The following SLC5A11 variants were observed in gnomAD, a reference collection of about 807,000 sequenced individuals.
SLC5A11 encodes the protein sodium/myo-inositol cotransporter 2.
In SLC5A11, 48 loss-of-function variants were observed where a neutral mutation model predicts 69.8. The observed-to-expected ratio is 0.69, with a 90% confidence interval of 0.55 to 0.87. The LOEUF (loss-of-function observed/expected upper bound fraction) is 0.87. Ranked by LOEUF, SLC5A11 falls within the 40% of genes least tolerant of loss-of-function variation. The pLI is 0.00. For missense variants in SLC5A11, 784 were observed against 866.1 expected (o/e 0.91, Z 1.19); for synonymous variants, 319 against 342.4 (o/e 0.93, Z 0.75).
intron 8 of SLC5A11, 37 bp downstream of exon 9, chr16:24,884,168 G>A: frequency 6.3e-7 from 1 of 1,589,316 alleles, no homozygotes; most frequent in Non-Finnish European, 8.6e-7. Context: ...GCGGACAACA[G>A]CACCTCTCTC....
chr16:24,889,083 C>T (rs1309864452), intron 8 of SLC5A11, among the ~76,000 whole-genome samples: 6 of 152,082 alleles, frequency 3.9e-5, no homozygotes, highest in African/African-American at 1.4e-4. Flanking sequence ...AGGCGTGAGC[C>T]ACCTGGCCCG....
chr16:24,897,984 A>G lies in SLC5A11; in HGVS notation c.881A>G (p.Gln294Arg), dbSNP rs570371325. 5 of 1,614,082 alleles carry G rather than the reference A, an allele frequency of 3.1e-6. No homozygotes were observed. In the African/African-American group the frequency reaches 6.7e-5, roughly 22 times the overall value. ...CTTGATCTTTTCCAGGTGATTGTCCAGCGGACTCTGGCTGCCAAGAACCTG... is the reference window on the plus strand; with the variant it reads ...CTTGATCTTTTCCAGGTGATTGTCCGGCGGACTCTGGCTGCCAAGAACCTG... The change falls in exon 10 of 16, where the codon CAG (glutamine) becomes CGG (arginine). Residue 294 changes from glutamine to arginine, a missense_variant. Physicochemically the swap from Gln to Arg is conservative, Grantham distance 43. Around this residue, in one of 3 missense-constraint regions of SLC5A11, gnomAD observed 550 missense variants for 606.4 expected, o/e 0.91. Coordinates refer to ENST00000347898, the Ensembl canonical transcript of SLC5A11.
chr16:24,869,057 G>A (rs575077351), intron 3 of SLC5A11, among the ~76,000 whole-genome samples: 3 of 152,036 alleles, frequency 2.0e-5, no homozygotes, highest in Admixed American at 6.6e-5. Context: ...TAGTGGAGAC[G>A]GGGTTTCACC....
chr16:24,910,217 TG>T (rs1324519310), intron 14 of SLC5A11, 88 bp from the exon 16 acceptor site: 1 of 1,349,720 alleles, frequency 7.4e-7, no homozygotes, highest in Admixed American at 1.9e-5. Flanking sequence ...AAAGGCTGAG[TG>T]TGGGGTTGGG....
rs370647622 is a variant in SLC5A11, at chr16:24,858,794, G to C, written c.135+16G>C. 6.2e-7 allele frequency: 1 copy of C among 1,604,516 alleles called. No homozygotes were observed. Among genetic ancestry groups the C allele is most frequent in the African/African-American group, 1.3e-5 (1 of 74,918 alleles). On this transcript the variant is annotated intron_variant, in intron 2 of 15. Coordinates refer to ENST00000347898, the Ensembl canonical transcript of SLC5A11. ...TGGACTATGGGTAAGCCAGGCCACT[G>C]GGGGATGGGGGATGAAGAGAGAAGG... is the stretch of plus-strand genomic sequence containing the variant.
At chr16:24,883,369 A>AAAAT (rs752477219) in intron 7 of SLC5A11, among the ~76,000 whole-genome samples, 5 of 152,162 alleles carry the variant, frequency 3.3e-5, no homozygotes, top group African/African-American at 1.2e-4. Flanking sequence ...CTGGCTCTAA[A>AAAAT]AAATAAATAA....
intron 8 of SLC5A11, among the ~76,000 whole-genome samples, chr16:24,886,096 A>G (rs1030439307): frequency 2.7e-5 from 4 of 149,542 alleles, no homozygotes; most frequent in Admixed American, 6.8e-5. Flanking sequence ...GTGCAGTGGC[A>G]TGATCTTGGC....
chr16:24,897,851 C>G (rs2049289046), intron 9 of SLC5A11, 123 bp from the exon 11 acceptor site: 6 of 1,269,758 alleles, frequency 4.7e-6, no homozygotes, highest in Middle Eastern at 5.6e-4. Context: ...CAGTTATCTC[C>G]CACTGACTCC....
At chr16:24,872,108 G>A in intron 4 of SLC5A11, 52 bp from the exon 6 acceptor site, 8 of 1,611,150 alleles carry the variant, frequency 5.0e-6, no homozygotes, top group Non-Finnish European at 6.8e-6. Context: ...AATCCAAATG[G>A]GTACCTTGTT....
At chr16:24,905,677 CACACACAG>C (rs2050009729) in intron 10 of SLC5A11, among the ~76,000 whole-genome samples, 2 of 148,608 alleles carry the variant, frequency 1.3e-5, no homozygotes, top group Non-Finnish European at 3.0e-5. Flanking sequence ...CACACACACA[CACACACAG>C]AGTTTAGAAA....
chr16:24,856,970 G>A (rs1280443628), intron 1 of SLC5A11, among the ~76,000 whole-genome samples: 7 of 151,908 alleles, frequency 4.6e-5, no homozygotes, highest in South Asian at 2.1e-4. Context: ...ACAGGCATGC[G>A]CCACCACACC....
At chr16:24,849,129 T>A (rs1308049014) in intron 1 of SLC5A11, among the ~76,000 whole-genome samples, 1 of 152,184 alleles carries the variant, frequency 6.6e-6, no homozygotes, top group Non-Finnish European at 1.5e-5. Context: ...GACTAATGCC[T>A]TATAGATGAC....
intron 3 of SLC5A11, among the ~76,000 whole-genome samples, chr16:24,865,392 C>T (rs991379169): frequency 2.6e-5 from 4 of 152,122 alleles, no homozygotes; most frequent in African/African-American, 7.2e-5. Context: ...GAAACCCCAT[C>T]TCTACTTACA....
chr16:24,882,072 C>A (rs2048084971), intron 7 of SLC5A11, among the ~76,000 whole-genome samples: 4 of 152,134 alleles, frequency 2.6e-5, no homozygotes, highest in Admixed American at 2.6e-4. Context: ...GGGCAGGCTG[C>A]CATAGCTGAT....
chr16:24,889,634 C>A (rs951046216), intron 8 of SLC5A11, among the ~76,000 whole-genome samples: 1 of 136,782 alleles, frequency 7.3e-6, no homozygotes. Context: ...CTCACTGCAA[C>A]CTCTACCTCC....
intron 5 of SLC5A11, 51 bp from the exon 7 acceptor site, chr16:24,875,576 C>A: frequency 1.4e-6 from 2 of 1,448,456 alleles, no homozygotes; most frequent in Non-Finnish European, 1.9e-6. Flanking sequence ...GGGGGGGTCA[C>A]GTGCTGGTGG....
intron 1 of SLC5A11, among the ~76,000 whole-genome samples, chr16:24,853,209 G>A (rs1394127427): frequency 1.3e-5 from 2 of 151,954 alleles, no homozygotes; most frequent in Non-Finnish European, 2.9e-5. Flanking sequence ...CACAGAGCTT[G>A]GCACCCAGAT....
chr16:24,886,852 G>A (rs190230434), intron 8 of SLC5A11, among the ~76,000 whole-genome samples: 12 of 152,190 alleles, frequency 7.9e-5, no homozygotes. Context: ...TGGAGGATCA[G>A]GGAGGTTAAG....
chr16:24,901,994 C>T (rs1036172245), intron 10 of SLC5A11, among the ~76,000 whole-genome samples: 44 of 149,228 alleles, frequency 2.9e-4, no homozygotes, highest in African/African-American at 1.1e-3. Flanking sequence ...ATATAGTAGT[C>T]CCAGCTACTC....
Sources: allele counts gnomAD v4.1 joint callset (sites outside exome capture counted in the v4.1 genomes callset), GRCh38; gene constraint gnomAD v4.1.1; regional missense constraint gnomAD v4.1.1; transcripts MANE v1.5; gene names NCBI Gene and HGNC (gene_info 2026-07-23, HGNC 2026-07-21).